The following TAMM41 variants were observed in gnomAD, a reference collection of about 807,000 sequenced individuals.
TAMM41 encodes the protein phosphatidate cytidylyltransferase, mitochondrial.
In TAMM41, 36 loss-of-function variants were observed where a neutral mutation model predicts 44.1. That is an observed-to-expected ratio of 0.82 (90% confidence interval 0.63 to 1.08). TAMM41 has a LOEUF of 1.08. TAMM41 is among the 50% of genes least tolerant of loss of function. The probability of loss-of-function intolerance (pLI) is 0.00; values close to 1 mark genes in which losing one functional copy is unlikely to be tolerated. For missense variants in TAMM41, 417 were observed against 404.3 expected (o/e 1.03, Z -0.27); for synonymous variants, 164 against 153.1 (o/e 1.07, Z -0.53).
chr3:11,813,828 A>ATGTGTGTGTGTGTGTGTGTGTGTG (rs143683206), intron 5 of TAMM41, among the ~76,000 whole-genome samples: 2 of 143,076 alleles, frequency 1.4e-5, no homozygotes, highest in African/African-American at 2.7e-5. Flanking sequence ...GTACAAATAT[A>ATGTGTGTGTGTGTGTGTGTGTGTG]TGTGTGTGTG....
At chr3:11,793,846 G>A (rs1016373130) in intron 7 of TAMM41, among the ~76,000 whole-genome samples, 3 of 152,150 alleles carry the variant, frequency 2.0e-5, no homozygotes, top group African/African-American at 7.2e-5. Context: ...ACTGGGGACT[G>A]GAATGACTGT....
intron 3 of TAMM41, among the ~76,000 whole-genome samples, chr3:11,838,322 C>T (rs1267044013): frequency 2.0e-5 from 3 of 152,172 alleles, no homozygotes; most frequent in Non-Finnish European, 4.4e-5. Context: ...TCACGCGATT[C>T]TCCTGCCTCA....
At chr3:11,750,470 G>A in the TAMM41 span, among the ~76,000 whole-genome samples, 12 of 151,718 alleles carry the variant, frequency 7.9e-5, no homozygotes, top group Non-Finnish European at 1.5e-4. Flanking sequence ...CACCATGTGC[G>A]GCTAATTTTT....
chr3:11,787,412 G>T (rs756004008), downstream of TAMM41, among the ~76,000 whole-genome samples: 1 of 152,184 alleles, frequency 6.6e-6, no homozygotes. Context: ...TGTTAGCAGC[G>T]TCCTGATGTG....
At chr3:11,834,782 G>T (rs2079110971) in intron 3 of TAMM41, among the ~76,000 whole-genome samples, 1 of 152,156 alleles carries the variant, frequency 6.6e-6, no homozygotes, top group Non-Finnish European at 1.5e-5. Context: ...CACCTCCTGG[G>T]TTCAAGTGAT....
chr3:11,814,581 C>T (rs1438198060), intron 5 of TAMM41, among the ~76,000 whole-genome samples: 1 of 151,946 alleles, frequency 6.6e-6, no homozygotes, highest in Non-Finnish European at 1.5e-5. Flanking sequence ...CCAGGAAGAA[C>T]AAACTAAGAA....
At chr3:11,726,009 A>G in the TAMM41 span, among the ~76,000 whole-genome samples, 1 of 152,186 alleles carries the variant, frequency 6.6e-6, no homozygotes, top group African/African-American at 2.4e-5. Flanking sequence ...CCAATTGCCA[A>G]TAAGTAGTTT....
At chr3:11,737,459 T>A in the TAMM41 span, among the ~76,000 whole-genome samples, 1 of 152,020 alleles carries the variant, frequency 6.6e-6, no homozygotes, top group African/African-American at 2.4e-5. Flanking sequence ...TAGCTGGGAT[T>A]ACAGGCACCC....
the TAMM41 span, among the ~76,000 whole-genome samples, chr3:11,768,343 G>T: frequency 2.6e-5 from 4 of 152,060 alleles, no homozygotes; most frequent in East Asian, 7.8e-4. Flanking sequence ...TCCCTATATT[G>T]CCCAGGCTGG....
At chr3:11,747,882 T>TTTA in the TAMM41 span, among the ~76,000 whole-genome samples, 3,202 of 12,152 alleles carry the variant, frequency 0.26, 63 homozygotes, top group East Asian at 0.42. Flanking sequence ...TATTTATTTA[T>TTTA]TTTTTTTTTT....
At chr3:11,842,088 T>C (rs916675264) in intron 2 of TAMM41, among the ~76,000 whole-genome samples, 1 of 152,158 alleles carries the variant, frequency 6.6e-6, no homozygotes, top group Non-Finnish European at 1.5e-5. Flanking sequence ...ACCAATGGCA[T>C]TGGCATCACT....
chr3:11,769,793 A>T, the TAMM41 span, among the ~76,000 whole-genome samples: 1 of 152,252 alleles, frequency 6.6e-6, no homozygotes, highest in East Asian at 1.9e-4. Context: ...CAGCCTCAAG[A>T]GGAGTCAGGT....
chr3:11,781,770 A>C, the TAMM41 span, among the ~76,000 whole-genome samples: 15 of 52,766 alleles, frequency 2.8e-4, no homozygotes, highest in Non-Finnish European at 4.8e-4. Context: ...TAATAATAAT[A>C]ATAATAATAA....
At chr3:11,777,318 G>C in the TAMM41 span, among the ~76,000 whole-genome samples, 1 of 152,162 alleles carries the variant, frequency 6.6e-6, no homozygotes, top group East Asian at 1.9e-4. Context: ...TTGAGCTTTT[G>C]CTTCTTCAAT....
chr3:11,834,847 T>C (rs62248594), intron 3 of TAMM41, among the ~76,000 whole-genome samples: 152,245 of 152,258 alleles, frequency 1, 76,116 homozygotes, highest in Middle Eastern at 1. Context: ...CCACCTCGCC[T>C]GGCTAATTTT....
intron 5 of TAMM41, among the ~76,000 whole-genome samples, chr3:11,815,772 G>T (rs1180396394): frequency 6.6e-6 from 1 of 151,824 alleles, no homozygotes; most frequent in Non-Finnish European, 1.5e-5. Context: ...TAAAGTGTAA[G>T]ATTGAAAAAA....
the TAMM41 span, among the ~76,000 whole-genome samples, chr3:11,723,304 G>A: frequency 6.6e-6 from 1 of 152,030 alleles, no homozygotes; most frequent in African/African-American, 2.4e-5. Flanking sequence ...CCTAGGCCAG[G>A]CGCAGTGGCT....
the TAMM41 span, among the ~76,000 whole-genome samples, chr3:11,761,946 C>CAAAAAAAA: frequency 9.3e-5 from 7 of 74,874 alleles, no homozygotes; most frequent in East Asian, 3.8e-4. Context: ...GACTCTGTCT[C>CAAAAAAAA]AAAAAAAAAA....
intron 2 of TAMM41, among the ~76,000 whole-genome samples, chr3:11,841,073 A>ATTTTTTTTT (rs141805597): frequency 2.4e-5 from 2 of 83,948 alleles, no homozygotes; most frequent in East Asian, 3.8e-4. Context: ...GCCCATTTCT[A>ATTTTTTTTT]TTTTTTTTTT....
Sources: allele counts gnomAD v4.1 joint callset (sites outside exome capture counted in the v4.1 genomes callset), GRCh38; gene constraint gnomAD v4.1.1; transcripts MANE v1.5; gene names NCBI Gene and HGNC (gene_info 2026-07-23, HGNC 2026-07-21).